Variants in KIF26B observed in about 807,000 individuals in gnomAD.
The protein encoded by KIF26B is kinesin family member 26B.
A neutral mutation model predicts 151.2 loss-of-function variants in KIF26B; 63 were observed. The observed-to-expected ratio is 0.42, with a 90% confidence interval of 0.34 to 0.51. KIF26B has a LOEUF of 0.51. KIF26B is among the 20% of genes least tolerant of loss of function. The pLI is 0.07. For synonymous variants in KIF26B, 1,357 were observed against 1,262.1 expected, an observed-to-expected ratio of 1.08 and a Z score of -1.59; for missense variants, 2,813 against 2,913.6, an observed-to-expected ratio of 0.97 and a Z score of 0.79.
rs58192966 is a variant in KIF26B, at chr1:245,451,585, C to CTT, written c.1166+31867_1166+31868dup. On this transcript the variant is annotated intron_variant, in intron 4 of 14. Transcript: ENST00000407071. ...TATAATATGTATCCAGAAGATCTATCTTTTTTTTTTTTTTTTTTTTTTTTT... is the reference window on the plus strand; with the variant it reads ...TATAATATGTATCCAGAAGATCTATCTTTTTTTTTTTTTTTTTTTTTTTTTTT... Among the ~76,000 whole-genome samples the CTT allele has an allele frequency of 6.3e-3, 371 of 58,726 alleles. 23 individuals carry two copies. Among genetic ancestry groups the CTT allele is most frequent in the Middle Eastern group, 0.018 (1 of 56 alleles). The allele number at this position is 58,726 out of a possible 152,430, so 38.5% of individuals were successfully genotyped here.
At chr1:245,691,630 T>A (rs1033105905) in intron 12 of KIF26B, among the ~76,000 whole-genome samples, 1 of 152,212 alleles carries the variant, frequency 6.6e-6, no homozygotes, top group Non-Finnish European at 1.5e-5. Flanking sequence ...CCTAACTAGA[T>A]GGCTAGAGTT....
chr1:245,643,582 TTAA>T (rs1160411081), intron 9 of KIF26B, among the ~76,000 whole-genome samples: 2 of 152,214 alleles, frequency 1.3e-5, no homozygotes, highest in African/African-American at 2.4e-5. Flanking sequence ...GATTTTTGTT[TTAA>T]TAATAATCTT....
intron 2 of KIF26B, among the ~76,000 whole-genome samples, chr1:245,165,079 A>C (rs1006857295): frequency 6.6e-6 from 1 of 152,056 alleles, no homozygotes; most frequent in African/African-American, 2.4e-5. Flanking sequence ...TTTAAAAAAA[A>C]AATAAAGATT....
chr1:245,585,911 C>T (rs1216832891), intron 5 of KIF26B, among the ~76,000 whole-genome samples: 2 of 152,176 alleles, frequency 1.3e-5, no homozygotes, highest in Middle Eastern at 3.2e-3. Flanking sequence ...AACACGTAGT[C>T]GACACATTTA....
intron 4 of KIF26B, among the ~76,000 whole-genome samples, chr1:245,430,682 A>G (rs1252886046): frequency 6.6e-6 from 1 of 152,062 alleles, no homozygotes; most frequent in Admixed American, 6.5e-5. Flanking sequence ...AAAAAAAATA[A>G]TCATAATAGC....
rs3068316 is a variant in KIF26B, at chr1:245,466,185, ATGTT to A, written c.1166+46466_1166+46469del. Among the ~76,000 whole-genome samples, 618 of 151,270 alleles carry A rather than the reference ATGTT, an allele frequency of 4.1e-3. 4 individuals are homozygous for A. The highest frequency in any genetic ancestry group is 0.014 in the African/African-American group (584 of 41,330). On this transcript the variant is annotated intron_variant, in intron 4 of 14. Transcript: ENST00000407071. ...AAGAGTCTGATTTAGATCGATGGGA[ATGTT>A]TGTTTGTTTGTTTGTTTGTTTGTTT...
At chr1:245,161,820 A>G (rs1164673625) in intron 2 of KIF26B, among the ~76,000 whole-genome samples, 2 of 152,130 alleles carry the variant, frequency 1.3e-5, no homozygotes, top group African/African-American at 2.4e-5. Context: ...TGTGAGTAGA[A>G]CTGACTGAGT....
At chr1:245,405,549 A>G (rs2103029098) in intron 3 of KIF26B, among the ~76,000 whole-genome samples, 1 of 152,124 alleles carries the variant, frequency 6.6e-6, no homozygotes, top group Middle Eastern at 3.4e-3. Flanking sequence ...GCTTATGGCT[A>G]ACCTACAGAG....
chr1:245,236,832 C>G (rs1477161986), intron 2 of KIF26B, among the ~76,000 whole-genome samples: 1 of 152,190 alleles, frequency 6.6e-6, no homozygotes, highest in Non-Finnish European at 1.5e-5. Context: ...ATCCCCAGGG[C>G]AGAACACCAT....
chr1:245,444,117 G>C (rs1372567638), intron 4 of KIF26B, among the ~76,000 whole-genome samples: 3 of 73,412 alleles, frequency 4.1e-5, no homozygotes, highest in Non-Finnish European at 6.5e-5. Flanking sequence ...TGTTCACCTA[G>C]AGCGGTCATC....
intron 2 of KIF26B, among the ~76,000 whole-genome samples, chr1:245,294,938 C>T (rs541128136): frequency 3.8e-4 from 58 of 152,304 alleles, no homozygotes; most frequent in African/African-American, 1.4e-3. Flanking sequence ...GCTGGGATTA[C>T]AGGCGTGAGC....
Position 245,450,365 on chromosome 1 carries a change from T to G in KIF26B, c.1166+30620T>G, listed in dbSNP as rs182556587. 4.0e-3 allele frequency among the ~76,000 whole-genome samples: 607 copies of G among 152,342 alleles called. 2 individuals are homozygous for G. The highest frequency in any genetic ancestry group is 6.5e-3 in the Admixed American group (99 of 15,300). On this transcript the variant is annotated intron_variant, in intron 4 of 14. Coordinates refer to ENST00000407071, the MANE Select transcript of KIF26B (RefSeq NM_018012.4). The stretch of plus-strand genomic sequence containing the variant: ...TAGAATTTGAAAAGATTTTCGCTGT[T>G]GCCTCAGGTGTTCTGAAAGGTGGAA...
intron 3 of KIF26B, among the ~76,000 whole-genome samples, chr1:245,388,078 G>T (rs1047453276): frequency 6.6e-6 from 1 of 152,158 alleles, no homozygotes; most frequent in Non-Finnish European, 1.5e-5. Context: ...TCTGGGAGAC[G>T]AGCGCTGTCC....
intron 2 of KIF26B, among the ~76,000 whole-genome samples, chr1:245,280,780 G>C (rs1489423157): frequency 8.9e-6 from 1 of 112,700 alleles, no homozygotes; most frequent in Non-Finnish European, 1.7e-5. Flanking sequence ...ACAGTCCCCA[G>C]AGTGTGATAT....
At position 245,687,437 on chromosome 1, in the gene KIF26B, G is replaced by C. The variant is rs1276864190; in HGVS notation, c.4454G>C (p.Ser1485Thr). Residue 1485 changes from serine to threonine, a missense_variant, in exon 12 of 15, where the codon AGT becomes ACT. Ser to Thr is a moderately conservative substitution (Grantham distance 58). Around this residue, in one of 3 missense-constraint regions of KIF26B, gnomAD observed 2,060 missense variants for 2,088.6 expected, o/e 0.99. Transcript: ENST00000407071. The surrounding 1 kb of genome is among the most constrained non-coding windows in gnomAD (Gnocchi z 4.9). ...GAGCAGGAGCAGGACGGAAAGCCCA[G>C]TCCGGGAGACAGGCTCAGCAGCAGC... is the stretch of plus-strand genomic sequence containing the variant. ...RAEQEQDGKP[S>T]PGDRLSSSSG... is the part of the protein sequence containing the mutation. The C allele has an allele frequency of 5.0e-6, 8 of 1,588,726 alleles. No individual in the cohort carries two copies. Among genetic ancestry groups the C allele is most frequent in the Non-Finnish European group, 6.8e-6 (8 of 1,168,052 alleles).
Position 245,686,712 on chromosome 1 carries a change from C to T in KIF26B, c.3729C>T (p.Ser1243=), listed in dbSNP as rs1447163377. ...TCAGCGAGGACCTGGAGTGCTACTCCAGCACGGCCCCCGTCTCCGAGGTCA... is the reference window on the plus strand; with the variant it reads ...TCAGCGAGGACCTGGAGTGCTACTCTAGCACGGCCCCCGTCTCCGAGGTCA... The part of the protein sequence containing the change: ...SSISEDLECY[S]STAPVSEVSI... Residue 1243 remains serine, a synonymous_variant, in exon 12 of 15, where the codon TCC becomes TCT. Coordinates refer to ENST00000407071, the MANE Select transcript of KIF26B (RefSeq NM_018012.4). The surrounding 1 kb of genome is among the most constrained non-coding windows in gnomAD (Gnocchi z 5.6). 5 of 1,613,242 alleles carry T rather than the reference C, an allele frequency of 3.1e-6. No homozygotes were observed. In the South Asian group the frequency reaches 3.3e-5, roughly 11 times the overall value.
chr1:245,243,468 A>ACACG (rs1670249588), intron 2 of KIF26B, among the ~76,000 whole-genome samples: 4 of 151,396 alleles, frequency 2.6e-5, no homozygotes, highest in Admixed American at 2.0e-4. Flanking sequence ...ACACACACAC[A>ACACG]CACATATATA....
chr1:245,587,506 C>T (rs985066494), intron 5 of KIF26B, among the ~76,000 whole-genome samples: 2 of 152,054 alleles, frequency 1.3e-5, no homozygotes, highest in Admixed American at 6.6e-5. Flanking sequence ...GCCAGGAGTC[C>T]GGGAGAGCTG....
In KIF26B at chr1:245,277,068, C is replaced by A. The variant is rs558408922; in HGVS notation, c.466-89766C>A. On this transcript the variant is annotated intron_variant, in intron 2 of 14. Transcript: ENST00000407071. ...ACTATGTTTATAGGCCAAGGAATGC[C>A]AAAGATTGTTGGCCACCAGCAGACA... 7.2e-5 allele frequency among the ~76,000 whole-genome samples: 11 copies of A among 152,218 alleles called. 1 individual carries two copies. In the South Asian group the frequency reaches 2.1e-3, roughly 29 times the overall value.
Sources: allele counts gnomAD v4.1 joint callset (sites outside exome capture counted in the v4.1 genomes callset), GRCh38; gene constraint gnomAD v4.1.1; regional missense constraint gnomAD v4.1.1; non-coding constraint Gnocchi (gnomAD v3.1); transcripts MANE v1.5; gene names NCBI Gene and HGNC (gene_info 2026-07-23, HGNC 2026-07-21).